The following STAG1 variants were observed in gnomAD, a reference collection of about 807,000 sequenced individuals.
The protein encoded by STAG1 is STAG1 cohesin complex component, also known as cohesin subunit SA-1.
A neutral mutation model predicts 170.9 loss-of-function variants in STAG1; 26 were observed. That is an observed-to-expected ratio of 0.15 (90% confidence interval 0.11 to 0.21). STAG1 has a LOEUF of 0.21. STAG1 is among the 10% of genes least tolerant of loss of function. The pLI, the probability that STAG1 is intolerant of heterozygous loss-of-function variation, is 1.00. For synonymous variants in STAG1, 514 were observed against 497.7 expected (o/e 1.03, Z -0.44); for missense variants, 964 against 1,509.5 (o/e 0.64, Z 5.99).
intron 1 of STAG1, among the ~76,000 whole-genome samples, chr3:136,640,133 T>C (rs1284425702): frequency 2.0e-5 from 3 of 152,208 alleles, no homozygotes; most frequent in African/African-American, 7.2e-5. Context: ...GAGTTCTTAA[T>C]AAATTCTATG....
At chr3:136,528,492 G>GCCCCC (rs763709959) in intron 6 of STAG1, among the ~76,000 whole-genome samples, 2 of 22,092 alleles carry the variant, frequency 9.1e-5, no homozygotes, top group Non-Finnish European at 1.1e-4. Context: ...AGATGTCCCC[G>GCCCCC]CACCCCCCCC....
rs138664279 is a variant in STAG1 at position 136,493,163 on chromosome 3, G to C, written c.902+7060C>G. 2.6e-3 allele frequency among the ~76,000 whole-genome samples: 397 copies of C among 152,052 alleles called. 1 individual carries two copies. Among genetic ancestry groups the C allele is most frequent in the African/African-American group, 4.8e-3 (198 of 41,472 alleles). ...TTGAGACCAGCCTGGGCAACATGGCGAAACTTCGTCTCTACTGAAAATACA... is the reference window on the plus strand; with the variant it reads ...TTGAGACCAGCCTGGGCAACATGGCCAAACTTCGTCTCTACTGAAAATACA... On this transcript the variant is annotated intron_variant, in intron 9 of 33. Coordinates refer to ENST00000383202, the MANE Select transcript of STAG1 (RefSeq NM_005862.3).
chr3:136,701,606 G>A (rs1187221821), intron 1 of STAG1, among the ~76,000 whole-genome samples: 1 of 152,060 alleles, frequency 6.6e-6, no homozygotes, highest in Non-Finnish European at 1.5e-5. Context: ...TAAATATGTT[G>A]AATCTCTCTG....
At chr3:136,740,393 G>A (rs1377908430) in intron 1 of STAG1, among the ~76,000 whole-genome samples, 1 of 152,228 alleles carries the variant, frequency 6.6e-6, no homozygotes, top group Non-Finnish European at 1.5e-5. Context: ...ACCAGTAAAA[G>A]GGGGATAACA....
intron 5 of STAG1, among the ~76,000 whole-genome samples, chr3:136,565,668 A>G (rs113124425): frequency 3.9e-5 from 6 of 152,124 alleles, no homozygotes; most frequent in African/African-American, 1.4e-4. Context: ...TAGCAATTCT[A>G]CTCCTAAGAA....
chr3:136,388,672 C>A (rs1465687523), intron 22 of STAG1, among the ~76,000 whole-genome samples: 1 of 151,938 alleles, frequency 6.6e-6, no homozygotes, highest in Non-Finnish European at 1.5e-5. Flanking sequence ...TGGCAGGGAG[C>A]TACTTACATA....
intron 19 of STAG1, among the ~76,000 whole-genome samples, chr3:136,421,656 G>A (rs576572215): frequency 6.6e-6 from 1 of 151,922 alleles, no homozygotes; most frequent in Non-Finnish European, 1.5e-5. Context: ...AGGGAAAGAG[G>A]AAGAAGTCAC....
intron 26 of STAG1, among the ~76,000 whole-genome samples, chr3:136,361,183 AT>A: frequency 6.6e-6 from 1 of 152,300 alleles, no homozygotes; most frequent in South Asian, 2.1e-4. Flanking sequence ...GTGTAGACAT[AT>A]TACTTTTACA....
intron 21 of STAG1, among the ~76,000 whole-genome samples, chr3:136,415,696 C>A (rs1283612800): frequency 1.3e-5 from 2 of 152,080 alleles, no homozygotes; most frequent in African/African-American, 4.8e-5. Flanking sequence ...ATTAGCCCAG[C>A]GTGGTGACGC....
chr3:136,722,427 AAATTC>A (rs1274575864), intron 1 of STAG1, among the ~76,000 whole-genome samples: 2 of 152,202 alleles, frequency 1.3e-5, no homozygotes, highest in Admixed American at 1.3e-4. Flanking sequence ...AATAATAATT[AAATTC>A]AAGTTTCACA....
intron 15 of STAG1, among the ~76,000 whole-genome samples, chr3:136,442,438 T>C (rs1199296685): frequency 6.6e-6 from 1 of 152,248 alleles, no homozygotes; most frequent in Admixed American, 6.5e-5. Context: ...TTATTAGGTA[T>C]ACATGTTCAA....
intron 4 of STAG1, chr3:136,587,071 A>AT (rs751991611): frequency 7.4e-5 from 25 of 338,646 alleles, no homozygotes; most frequent in Non-Finnish European, 1.4e-4. Flanking sequence ...TTTAAAGTAC[A>AT]TTTTTTAACA....
chr3:136,350,258 T>C (rs1936386212), intron 28 of STAG1, among the ~76,000 whole-genome samples: 1 of 152,218 alleles, frequency 6.6e-6, no homozygotes, highest in Admixed American at 6.5e-5. Flanking sequence ...CTCTATATTT[T>C]AGAAACTCTA....
At chr3:136,449,772 C>T (rs924083042) in intron 14 of STAG1, among the ~76,000 whole-genome samples, 1 of 151,960 alleles carries the variant, frequency 6.6e-6, no homozygotes, top group African/African-American at 2.4e-5. Flanking sequence ...ATTGAAAAGC[C>T]CTTGAGCTTT....
chr3:136,349,363 A>G lies in STAG1; in HGVS notation c.3066T>C (p.Val1022=). The G allele has an allele frequency of 6.2e-7, 1 of 1,608,144 alleles. No individual in the cohort carries two copies. Among genetic ancestry groups the G allele is most frequent in the Non-Finnish European group, 8.5e-7 (1 of 1,174,606 alleles). ...TAAGGAATTTCTCTAGGTATGAATG[A>G]CTAGAAACACAATAGAAACAGCAGT... ...SKLLRQDKKT[V]HSYLEKFLTE... Residue 1022 remains valine, a splice_region_variant and synonymous_variant, in exon 29 of 34, where the codon GTT becomes GTC. Coordinates refer to ENST00000383202, the MANE Select transcript of STAG1 (RefSeq NM_005862.3).
At chr3:136,469,761 A>T (rs915136021) in intron 12 of STAG1, among the ~76,000 whole-genome samples, 29 of 152,094 alleles carry the variant, frequency 1.9e-4, no homozygotes, top group Non-Finnish European at 3.7e-4. Flanking sequence ...TAACCAAAAC[A>T]GCATGGTACT....
intron 5 of STAG1, among the ~76,000 whole-genome samples, chr3:136,557,665 C>T (rs1179426419): frequency 1.3e-5 from 2 of 152,144 alleles, no homozygotes; most frequent in African/African-American, 4.8e-5. Context: ...GCCTCAGCCT[C>T]CTGAGTAGCT....
intron 1 of STAG1, among the ~76,000 whole-genome samples, chr3:136,672,675 A>T (rs1942012288): frequency 6.6e-6 from 1 of 152,136 alleles, no homozygotes; most frequent in Admixed American, 6.6e-5. Context: ...GCATTTAGCC[A>T]ATGTTTTAAC....
chr3:136,424,583 T>C (rs1329767881), intron 16 of STAG1, among the ~76,000 whole-genome samples: 1 of 152,074 alleles, frequency 6.6e-6, no homozygotes, highest in Non-Finnish European at 1.5e-5. Flanking sequence ...TCCGCCCACC[T>C]TGGCCTCCCA....
Sources: allele counts gnomAD v4.1 joint callset (sites outside exome capture counted in the v4.1 genomes callset), GRCh38; gene constraint gnomAD v4.1.1; transcripts MANE v1.5; gene names NCBI Gene and HGNC (gene_info 2026-07-23, HGNC 2026-07-21).